ACSF3: variants seen among roughly 807,000 people sequenced by gnomAD.
The protein encoded by ACSF3 is malonate--CoA ligase ACSF3, mitochondrial.
In ACSF3, 78 loss-of-function variants were observed where a neutral mutation model predicts 53.2. The observed-to-expected ratio is 1.47, with a 90% CI of 1.22 to 1.77. The LOEUF (loss-of-function observed/expected upper bound fraction) is 1.77, where lower values mean the gene tolerates loss of function less well. Ranked by LOEUF, ACSF3 falls within the 40% of genes most tolerant of loss-of-function variation. ACSF3 has a pLI of 0.00. For synonymous variants in ACSF3, 414 were observed against 333.1 expected (o/e 1.24, Z -2.65); for missense variants, 937 against 771.1 (o/e 1.22, Z -2.55).
intron 4 of ACSF3, among the ~76,000 whole-genome samples, chr16:89,107,458 T>C (rs1233972489): frequency 6.6e-6 from 1 of 152,180 alleles, no homozygotes; most frequent in African/African-American, 2.4e-5. Context: ...GGCACCATCC[T>C]GCTACACGCG....
At chr16:89,146,745 A>G (rs553066555) in intron 10 of ACSF3, among the ~76,000 whole-genome samples, 1 of 152,108 alleles carries the variant, frequency 6.6e-6, no homozygotes, top group Admixed American at 6.6e-5. Flanking sequence ...CCTTACCCAG[A>G]ACCTTTCCCC....
At chr16:89,145,468 A>G in intron 9 of ACSF3, 67 bp downstream of exon 9, 1 of 1,588,550 alleles carries the variant, frequency 6.3e-7, no homozygotes, top group Non-Finnish European at 8.6e-7. Context: ...TTTGAGTTTT[A>G]GACGACTGCA....
chr16:89,109,303 G>A (rs1458354068), intron 4 of ACSF3, among the ~76,000 whole-genome samples: 1 of 149,498 alleles, frequency 6.7e-6, no homozygotes, highest in South Asian at 2.1e-4. Flanking sequence ...GTTGCTGTAC[G>A]TTCTCATCAG....
chr16:89,145,498 A>T, intron 9 of ACSF3, 97 bp downstream of exon 9: 2 of 1,424,988 alleles, frequency 1.4e-6, no homozygotes, highest in Non-Finnish European at 1.9e-6. Context: ...ACGCCGTCCC[A>T]GCTGCCTGCA....
intron 7 of ACSF3, among the ~76,000 whole-genome samples, chr16:89,127,590 C>T (rs1908404418): frequency 3.3e-5 from 5 of 152,084 alleles, no homozygotes; most frequent in Admixed American, 3.3e-4. Context: ...TGATCTTGAA[C>T]TCCTGGCCTC....
At position 89,133,224 on chromosome 16, in the gene ACSF3, C is replaced by CT. The variant is rs776995095; in HGVS notation, c.1329dup (p.Lys444Ter). On this transcript the variant is annotated frameshift_variant, in exon 8 of 11. Coordinates refer to ENST00000614302, the MANE Select transcript of ACSF3 (RefSeq NM_001243279.3). LOFTEE classifies it high-confidence loss of function. ...GAATACTGGAATAAACCAGAAGAAACTAAGAGTGCATTCACCCTGGATGGC... is the reference window on the plus strand; with the variant it reads ...GAATACTGGAATAAACCAGAAGAAACTTAAGAGTGCATTCACCCTGGATGGC... 4 of 1,614,012 alleles carry CT rather than the reference C, an allele frequency of 2.5e-6. No individual in the cohort carries two copies. Among genetic ancestry groups the CT allele is most frequent in the Non-Finnish European group, 3.4e-6 (4 of 1,180,026 alleles).
In ACSF3 at chr16:89,133,197, G is replaced by A. The variant is rs137995833; in HGVS notation, c.1301G>A (p.Arg434Gln). 67 of 1,614,124 alleles carry A rather than the reference G, an allele frequency of 4.2e-5. No individual in the cohort carries two copies. The African/African-American group carries it at 4.8e-4, about 12-fold the overall frequency. Residue 434 changes from arginine to glutamine, a missense_variant, in exon 8 of 11, where the codon CGA (arginine) becomes CAA (glutamine). By Grantham distance (43) the Arg-to-Gln change is conservative. Transcript: ENST00000614302. The stretch of plus-strand genomic sequence containing the variant: ...CTGGTGAGGGGACCCTCCGTGTTTC[G>A]AGAATACTGGAATAAACCAGAAGAA... ...ELLVRGPSVF[R>Q]EYWNKPEETK...
intron 4 of ACSF3, among the ~76,000 whole-genome samples, chr16:89,103,489 G>A (rs546313956): frequency 2.0e-5 from 3 of 152,358 alleles, no homozygotes; most frequent in African/African-American, 7.2e-5. Flanking sequence ...CCTTCTCTCC[G>A]TAGTCAGGGC....
intron 8 of ACSF3, among the ~76,000 whole-genome samples, chr16:89,140,683 G>C (rs1455310777): frequency 6.6e-6 from 1 of 152,092 alleles, no homozygotes; most frequent in African/African-American, 2.4e-5. Flanking sequence ...TTGCGTGCGG[G>C]TCAGGACATC....
intron 6 of ACSF3, chr16:89,115,069 G>A: frequency 4.5e-6 from 1 of 223,790 alleles, no homozygotes; most frequent in Admixed American, 5.2e-5. Flanking sequence ...TGGGACTTCT[G>A]GGAACAGAGC....
intron 7 of ACSF3, among the ~76,000 whole-genome samples, chr16:89,131,038 C>T (rs1047657923): frequency 1.3e-5 from 2 of 150,354 alleles, no homozygotes; most frequent in Non-Finnish European, 3.0e-5. Flanking sequence ...TTTGGTTCTG[C>T]TTTATATCTG....
Position 89,139,413 on chromosome 16 carries a change from T to A in ACSF3, c.1367-5854T>A, listed in dbSNP as rs1294060270. ...TGAGGCGGGTGTGTAGGGTCCGTACTTGGAGACTTGCGTGTCTCTCCGGGT... is the reference window on the plus strand; with the variant it reads ...TGAGGCGGGTGTGTAGGGTCCGTACATGGAGACTTGCGTGTCTCTCCGGGT... On this transcript the variant is annotated intron_variant, in intron 8 of 10. Transcript: ENST00000614302. Among the ~76,000 whole-genome samples, 3 of 152,230 alleles carry A rather than the reference T, an allele frequency of 2.0e-5. No individual in the cohort carries two copies. In the East Asian group the frequency reaches 5.8e-4, roughly 29 times the overall value.
intron 8 of ACSF3, among the ~76,000 whole-genome samples, chr16:89,143,472 G>A (rs1428235548): frequency 6.6e-6 from 1 of 152,056 alleles, no homozygotes; most frequent in Non-Finnish European, 1.5e-5. Flanking sequence ...AGCCTCCCTG[G>A]TGTCAGCAGC....
intron 1 of ACSF3, among the ~76,000 whole-genome samples, chr16:89,096,387 G>A (rs961151021): frequency 3.3e-5 from 5 of 152,186 alleles, no homozygotes; most frequent in Admixed American, 6.5e-5. Context: ...GGTGCCTCTG[G>A]ACCGGGAGGT....
chr16:89,123,477 T>A (rs1907158917), intron 7 of ACSF3, among the ~76,000 whole-genome samples: 1 of 152,134 alleles, frequency 6.6e-6, no homozygotes, highest in Non-Finnish European at 1.5e-5. Context: ...CGGTCCCGGA[T>A]CCACGTGGCT....
chr16:89,151,544 C>T, intron 10 of ACSF3: 1 of 250,000 alleles, frequency 4.0e-6, no homozygotes, highest in South Asian at 4.5e-5. Context: ...CATGATCAAG[C>T]AGCATTTAAG....
intron 1 of ACSF3, among the ~76,000 whole-genome samples, chr16:89,096,908 G>A (rs1408687236): frequency 6.6e-6 from 1 of 152,250 alleles, no homozygotes; most frequent in Non-Finnish European, 1.5e-5. Context: ...CCAGGGGCTG[G>A]TGGCAGGAGT....
At chr16:89,101,603 T>C (rs753199244) in intron 3 of ACSF3, among the ~76,000 whole-genome samples, 4 of 152,104 alleles carry the variant, frequency 2.6e-5, no homozygotes, top group Non-Finnish European at 4.4e-5. Context: ...GCCAGGACCA[T>C]GCGGCATGAG....
At chr16:89,114,192 T>A (rs1904617024) in intron 5 of ACSF3, 147 bp from the exon 6 acceptor site, 1 of 1,053,196 alleles carries the variant, frequency 9.5e-7, no homozygotes, top group African/African-American at 1.6e-5. Context: ...ACAGTGGTGC[T>A]GTACCCACGG....
Sources: gnomAD v4.1 joint callset for allele counts (sites outside exome capture counted in the v4.1 genomes callset) on GRCh38, gnomAD v4.1.1 for gene constraint, MANE v1.5 for transcripts, NCBI Gene and HGNC (gene_info 2026-07-23, HGNC 2026-07-21) for gene names.